Variants in PRMT5 observed in about 807,000 individuals in gnomAD.
The protein encoded by PRMT5 is protein arginine methyltransferase 5, also known as protein arginine N-methyltransferase 5.
A neutral mutation model predicts 84.0 loss-of-function variants in PRMT5; 15 were observed. The ratio of observed to expected loss-of-function variants is 0.18; its 90% CI spans 0.12 to 0.28. The LOEUF is 0.28. Ranked by LOEUF, PRMT5 falls within the 10% of genes least tolerant of loss-of-function variation. The probability of loss-of-function intolerance (pLI) is 1.00; values close to 1 mark genes in which losing one functional copy is unlikely to be tolerated. For missense variants in PRMT5, 486 were observed against 808.0 expected, an observed-to-expected ratio of 0.60 and a Z score of 4.83; for synonymous variants, 276 against 292.4, an observed-to-expected ratio of 0.94 and a Z score of 0.57.
Position 22,922,850 on chromosome 14 carries a change from AAGAG to A in PRMT5, c.1486-19_1486-16del, listed in dbSNP as rs756206882. 47 of 1,609,036 alleles carry A rather than the reference AAGAG, an allele frequency of 2.9e-5. No individual in the cohort carries two copies. Among genetic ancestry groups the A allele is most frequent in the South Asian group, 5.5e-5 (5 of 90,800 alleles). On this transcript the variant is annotated splice_polypyrimidine_tract_variant and intron_variant, in intron 13 of 16. Coordinates refer to ENST00000324366, the MANE Select transcript of PRMT5 (RefSeq NM_006109.5). ...TCAAACTGGGCCTGTCAGAGACAGA[AAGAG>A]AGAGAGAGTGTTGGGGAAGACACAC...
intron 13 of PRMT5, 70 bp downstream of exon 13, chr14:22,922,981 G>C: frequency 7.0e-7 from 1 of 1,432,780 alleles, no homozygotes; most frequent in Non-Finnish European, 9.7e-7. Flanking sequence ...GAAGAAAATA[G>C]CTGATGCAAA....
At chr14:22,927,801 C>G in intron 3 of PRMT5, 141 bp from the exon 4 acceptor site, 2 of 1,046,244 alleles carry the variant, frequency 1.9e-6, no homozygotes, top group Non-Finnish European at 2.7e-6. Context: ...TTGACCTTCC[C>G]AAGCTCAACT....
At position 22,926,525 on chromosome 14, in the gene PRMT5, A is replaced by G. The variant is rs1056314357; in HGVS notation, c.594T>C (p.Tyr198=). The part of the protein sequence containing the change: ...WWHNFRTLCD[Y]SKRIAVALEI... ...ACTCACCCACTGCAATCCTCTTACT[A>G]TAGTCACACAAAGTCCGGAAGTTGT... The change falls in exon 6 of 17, where the codon TAT becomes TAC. Residue 198 remains tyrosine, a synonymous_variant. Transcript: ENST00000324366. 8.1e-6 allele frequency: 13 copies of G among 1,614,056 alleles called. No individual in the cohort carries two copies. Among genetic ancestry groups the G allele is most frequent in the African/African-American group, 1.3e-5 (1 of 74,916 alleles).
chr14:22,922,483 G>A lies in PRMT5; in HGVS notation c.1656C>T (p.Ala552=), dbSNP rs142512655. Residue 552 remains alanine, a synonymous_variant, in exon 15 of 17, where the codon GCC becomes GCT. Coordinates refer to ENST00000324366, the MANE Select transcript of PRMT5 (RefSeq NM_006109.5). ...GATAAAGCACAGTCTCAAAGTAGCC[G>A]GCAAAGCCATGTAGTACTGTGTTCA... ...VEVNTVLHGF[A]GYFETVLYQD... 1.1e-3 allele frequency: 1,840 copies of A among 1,614,030 alleles called. 5 individuals are homozygous for A. Among genetic ancestry groups the A allele is most frequent in the Admixed American group, 1.6e-3 (97 of 60,016 alleles).
At chr14:22,927,260 TTTTTTG>T (rs151157655) in intron 4 of PRMT5, among the ~76,000 whole-genome samples, 20,366 of 151,218 alleles carry the variant, frequency 0.13, 1,635 homozygotes, top group Admixed American at 0.18. Context: ...TAATTTGTGT[TTTTTTG>T]TTTTTGTTTT....
Position 22,927,679 on chromosome 14 carries a change from G to C in PRMT5, c.316-19C>G. 1 of 1,601,302 alleles carries C rather than the reference G, an allele frequency of 6.2e-7. No individual in the cohort carries two copies. Among genetic ancestry groups the C allele is most frequent in the Non-Finnish European group, 8.5e-7 (1 of 1,174,182 alleles). ...ACATGGCCTGGAACGGAGATGAAGA[G>C]GAAAAGTTTGAGCTAACAAGCAAAC... On this transcript the variant is annotated intron_variant, in intron 3 of 16. Transcript: ENST00000324366.
chr14:22,922,255 T>C lies in PRMT5; in HGVS notation c.1697-15A>G. On this transcript the variant is annotated splice_polypyrimidine_tract_variant and intron_variant, in intron 15 of 16. Transcript: ENST00000324366. ...TGGACGGATACCTGTGTGGACAAAA[T>C]AATGAAAAAACAGAGGTCTCCATGG... 1.3e-6 allele frequency: 2 copies of C among 1,584,396 alleles called. No homozygotes were observed. The highest frequency in any genetic ancestry group is 1.7e-6 in the Non-Finnish European group (2 of 1,153,242).
chr14:22,927,444 A>G, intron 4 of PRMT5, 82 bp downstream of exon 4: 2 of 1,565,464 alleles, frequency 1.3e-6, no homozygotes, highest in Admixed American at 1.7e-5. Context: ...CACACCCTTC[A>G]CTGAATGGCT....
At chr14:22,922,136 G>C in intron 16 of PRMT5, 40 bp downstream of exon 16, 1 of 1,497,150 alleles carries the variant, frequency 6.7e-7, no homozygotes, top group Non-Finnish European at 9.3e-7. Context: ...CAAAGGCAAA[G>C]GTTACTGCTT....
chr14:22,927,618 G>T lies in PRMT5; in HGVS notation c.358C>A (p.Pro120Thr), dbSNP rs373616180. The change falls in exon 4 of 17, where the codon CCA becomes ACA. Residue 120 changes from proline (P) to threonine (T), a missense_variant. Physicochemically the swap from Pro to Thr is conservative, Grantham distance 38. Around this residue, in one of 4 missense-constraint regions of PRMT5, gnomAD observed 215 missense variants for 301.1 expected, o/e 0.71. Coordinates refer to ENST00000324366, the MANE Select transcript of PRMT5 (RefSeq NM_006109.5). ...TGATTAAGGGGCAGCAGGAAAGCTG[G>T]AAGACCCAAATATGCACCAAAATTC... ...ELNFGAYLGL[P>T]AFLLPLNQED... 5.6e-5 allele frequency: 91 copies of T among 1,613,794 alleles called. No individual in the cohort carries two copies. The highest frequency in any genetic ancestry group is 7.4e-5 in the Non-Finnish European group (87 of 1,179,980).
intron 7 of PRMT5, among the ~76,000 whole-genome samples, chr14:22,925,579 G>C (rs1379534917): frequency 3.3e-5 from 5 of 152,036 alleles, no homozygotes; most frequent in Non-Finnish European, 7.4e-5. Context: ...CAATACTTTG[G>C]AAGGCCGAGG....
intron 3 of PRMT5, 150 bp from the exon 4 acceptor site, chr14:22,927,810 C>A: frequency 4.1e-6 from 4 of 966,476 alleles, no homozygotes; most frequent in Non-Finnish European, 6.0e-6. Context: ...CCAAGCTCAA[C>A]TGATCCTCCC....
At position 22,924,972 on chromosome 14, in the gene PRMT5, T is replaced by C. The variant is rs551649195; in HGVS notation, c.846A>G (p.Gln282=). ...HSEKEFCSYL[Q]YLEYLSQNRP... ...GGTTCTGGCTTAAGTATTCCAGGTA[T>C]TGGAGGTAGGAGCAGAACTCCTTCT... Residue 282 remains glutamine (Q), a synonymous_variant, in exon 8 of 17, where the codon CAA becomes CAG. Coordinates refer to ENST00000324366, the MANE Select transcript of PRMT5 (RefSeq NM_006109.5). This position sits in a 1 kb window ranked among gnomAD's most constrained non-coding sequence, Gnocchi z 6.5. 25 of 1,614,114 alleles carry C rather than the reference T, an allele frequency of 1.5e-5. No homozygotes were observed. The highest frequency in any genetic ancestry group is 2.2e-5 in the East Asian group (1 of 44,884).
In PRMT5 at chr14:22,922,541, T is replaced by C; in HGVS notation, c.1598A>G (p.Asn533Ser). The change falls in exon 15 of 17, where the codon AAC becomes AGC. Residue 533 changes from asparagine (N) to serine (S), a missense_variant. Asn to Ser is a conservative substitution (Grantham distance 46). This residue lies in a region of PRMT5 where 219 missense variants were observed against 433.6 expected (regional missense o/e 0.51). Coordinates refer to ENST00000324366, the MANE Select transcript of PRMT5 (RefSeq NM_006109.5). ...AGGAAATTCCAAGGTGCAATAGCGGTTGTTGTCAATCATAGGATCTGTCAG... is the reference window on the plus strand; with the variant it reads ...AGGAAATTCCAAGGTGCAATAGCGGCTGTTGTCAATCATAGGATCTGTCAG... ...HPNRDPMIDN[N>S]RYCTLEFPVE... 1.2e-6 allele frequency: 2 copies of C among 1,613,812 alleles called. No homozygotes were observed. Among genetic ancestry groups the C allele is most frequent in the Non-Finnish European group, 1.7e-6 (2 of 1,179,690 alleles).
intron 13 of PRMT5, 26 bp from the exon 14 acceptor site, chr14:22,922,861 A>AGT (rs758825146): frequency 6.3e-7 from 1 of 1,596,092 alleles, no homozygotes; most frequent in Non-Finnish European, 8.6e-7. Flanking sequence ...AGAGAGAGAG[A>AGT]GTGTTGGGGA....
chr14:22,921,384 A>G (rs997281488), intron 16 of PRMT5, among the ~76,000 whole-genome samples: 2 of 152,212 alleles, frequency 1.3e-5, no homozygotes, highest in Non-Finnish European at 2.9e-5. Flanking sequence ...CAGGCAAGAG[A>G]AAGGCATGAA....
At chr14:22,926,399 G>A in intron 6 of PRMT5, 103 bp from the exon 7 acceptor site, 1 of 1,589,820 alleles carries the variant, frequency 6.3e-7, no homozygotes, top group Non-Finnish European at 8.6e-7. Flanking sequence ...AAGCCAGTCT[G>A]AGACAGAGGG....
At chr14:22,929,127 TA>T in intron 1 of PRMT5, 124 bp downstream of exon 1, 1 of 1,611,250 alleles carries the variant, frequency 6.2e-7, no homozygotes, top group Non-Finnish European at 8.5e-7. Context: ...CTCCAAAGAG[TA>T]ATAGTCTCTC....
At chr14:22,925,158 T>A in intron 7 of PRMT5, 118 bp from the exon 8 acceptor site, 1 of 1,121,340 alleles carries the variant, frequency 8.9e-7, no homozygotes, top group Non-Finnish European at 1.2e-6. Context: ...TCTCTTTTTT[T>A]TTTTTTTTAA....
Sources: allele counts gnomAD v4.1 joint callset (sites outside exome capture counted in the v4.1 genomes callset), GRCh38; gene constraint gnomAD v4.1.1; regional missense constraint gnomAD v4.1.1; non-coding constraint Gnocchi (gnomAD v3.1); transcripts MANE v1.5; gene names NCBI Gene and HGNC (gene_info 2026-07-23, HGNC 2026-07-21).